TRAF3: variants seen among roughly 807,000 people sequenced by gnomAD.
The protein encoded by TRAF3 is TNF receptor associated factor 3.
A neutral mutation model predicts 62.3 loss-of-function variants in TRAF3; 13 were observed. That is an observed-to-expected ratio of 0.21 (90% CI 0.14 to 0.33). The LOEUF is 0.33. Among genes scored for constraint, TRAF3 ranks in the 10% least tolerant of loss-of-function variants. The probability of loss-of-function intolerance (pLI) is 1.00; values close to 1 mark genes in which losing one functional copy is unlikely to be tolerated. For synonymous variants in TRAF3, 269 were observed against 283.4 expected (o/e 0.95, Z 0.51); for missense variants, 440 against 741.8 (o/e 0.59, Z 4.73).
intron 10 of TRAF3, among the ~76,000 whole-genome samples, chr14:102,899,071 T>G (rs376461723): frequency 1.6e-4 from 24 of 152,182 alleles, no homozygotes; most frequent in African/African-American, 5.3e-4. Flanking sequence ...TTCCCCTGAG[T>G]GCAGGGACAC....
intron 2 of TRAF3, among the ~76,000 whole-genome samples, chr14:102,850,744 TC>T: frequency 6.8e-6 from 1 of 147,170 alleles, no homozygotes; most frequent in Non-Finnish European, 1.5e-5. Flanking sequence ...GATGCTGCGC[TC>T]CTGGTAGTTT....
chr14:102,894,144 C>T (rs1175040840), intron 9 of TRAF3, among the ~76,000 whole-genome samples: 4 of 151,978 alleles, frequency 2.6e-5, no homozygotes, highest in South Asian at 2.1e-4. Flanking sequence ...CTGGGCAACA[C>T]GGTGAAACCC....
At chr14:102,897,520 A>T in intron 10 of TRAF3, 119 bp downstream of exon 10, 2 of 1,343,482 alleles carry the variant, frequency 1.5e-6, no homozygotes, top group Non-Finnish European at 2.1e-6. Flanking sequence ...CAGAAAGGCA[A>T]CTGATTTCTC....
chr14:102,804,764 G>C (rs914323611), intron 1 of TRAF3, among the ~76,000 whole-genome samples: 18 of 152,188 alleles, frequency 1.2e-4, no homozygotes, highest in African/African-American at 4.3e-4. Context: ...TGGGACTACA[G>C]GCATGAGACA....
At chr14:102,843,138 G>A (rs1197640715) in intron 2 of TRAF3, among the ~76,000 whole-genome samples, 1 of 151,618 alleles carries the variant, frequency 6.6e-6, no homozygotes, top group Non-Finnish European at 1.5e-5. Flanking sequence ...GGGAGGCAGA[G>A]GTTGCAGTGA....
intron 2 of TRAF3, among the ~76,000 whole-genome samples, chr14:102,866,894 A>AC (rs1263265709): frequency 1.6e-5 from 2 of 123,498 alleles, no homozygotes; most frequent in East Asian, 4.7e-4. Context: ...CACACACACA[A>AC]AACAATGACA....
intron 2 of TRAF3, among the ~76,000 whole-genome samples, chr14:102,833,911 C>T (rs1885803073): frequency 6.6e-6 from 1 of 151,642 alleles, no homozygotes; most frequent in Non-Finnish European, 1.5e-5. Flanking sequence ...ATGGCTTGAA[C>T]CCGGGAGGCG....
chr14:102,868,871 T>C (rs1003251756), intron 2 of TRAF3, among the ~76,000 whole-genome samples: 4 of 152,266 alleles, frequency 2.6e-5, no homozygotes, highest in African/African-American at 9.6e-5. Flanking sequence ...AGGTCTCATC[T>C]GGCAGAGCTG....
intron 6 of TRAF3, among the ~76,000 whole-genome samples, chr14:102,884,113 C>T (rs1221119739): frequency 2.0e-5 from 3 of 152,210 alleles, no homozygotes; most frequent in Non-Finnish European, 2.9e-5. Flanking sequence ...AAATGCAAAA[C>T]CAAGGCCCTG....
intron 2 of TRAF3, among the ~76,000 whole-genome samples, chr14:102,861,682 C>T (rs1887687207): frequency 1.3e-5 from 2 of 152,094 alleles, no homozygotes; most frequent in African/African-American, 4.8e-5. Flanking sequence ...TATTGAATCT[C>T]ATGCAAGAAA....
chr14:102,875,812 G>A (rs896805414), intron 5 of TRAF3, 84 bp downstream of exon 5: 3 of 1,210,714 alleles, frequency 2.5e-6, no homozygotes, highest in African/African-American at 3.0e-5. Context: ...TCAGTAGGAT[G>A]TGGCACTTTA....
chr14:102,780,742 C>T (rs1242975192), intron 1 of TRAF3, among the ~76,000 whole-genome samples: 1 of 152,072 alleles, frequency 6.6e-6, no homozygotes, highest in Non-Finnish European at 1.5e-5. Flanking sequence ...AGTTAATGTG[C>T]CCTGAGTTCT....
chr14:102,782,153 G>C (rs1897298686), intron 1 of TRAF3, among the ~76,000 whole-genome samples: 1 of 151,922 alleles, frequency 6.6e-6, no homozygotes, highest in African/African-American at 2.4e-5. Flanking sequence ...TGGCCAGACT[G>C]GTCTTGAACT....
rs190730707 is a variant in TRAF3, at chr14:102,783,277, C to T, written c.-157+5602C>T. Among the ~76,000 whole-genome samples the T allele has an allele frequency of 6.6e-4, 101 of 152,296 alleles. 1 individual carries two copies. Among genetic ancestry groups the T allele is most frequent in the Admixed American group, 6.5e-4 (10 of 15,298 alleles). The stretch of plus-strand genomic sequence containing the variant: ...CCTGGAGGTCAGGCTTCCATCCTCC[C>T]GTTCTGATAATGCTTAGCTCCAGGA... On this transcript the variant is annotated intron_variant, in intron 1 of 11. Transcript: ENST00000392745.
chr14:102,801,682 G>C (rs1049778835), intron 1 of TRAF3, among the ~76,000 whole-genome samples: 2 of 151,948 alleles, frequency 1.3e-5, no homozygotes, highest in Non-Finnish European at 2.9e-5. Context: ...CCACGAGTAT[G>C]AGCCACCACA....
rs535026333 is a variant in TRAF3 at position 102,863,162 on chromosome 14, T to A, written c.-17-7023T>A. Reference sequence around the variant, plus strand: ...CTTTTTTCTGCATGTGAACCATACTTTCTTGTTTCTTTGCATGCCTTGTGA... The same window carrying A: ...CTTTTTTCTGCATGTGAACCATACTATCTTGTTTCTTTGCATGCCTTGTGA... On this transcript the variant is annotated intron_variant, in intron 2 of 11. Coordinates refer to ENST00000392745, the MANE Select transcript of TRAF3 (RefSeq NM_145725.3). Among the ~76,000 whole-genome samples, 197 of 152,294 alleles carry A rather than the reference T, an allele frequency of 1.3e-3. 1 individual carries two copies. The highest frequency in any genetic ancestry group is 2.5e-3 in the Non-Finnish European group (171 of 68,018).
intron 2 of TRAF3, among the ~76,000 whole-genome samples, chr14:102,868,834 C>T (rs185340340): frequency 6.6e-6 from 1 of 152,294 alleles, no homozygotes; most frequent in African/African-American, 2.4e-5. Flanking sequence ...CTTTACATTC[C>T]TGGTTATTTT....
chr14:102,887,924 C>A (rs1312796560), intron 7 of TRAF3, among the ~76,000 whole-genome samples: 1 of 152,052 alleles, frequency 6.6e-6, no homozygotes, highest in Non-Finnish European at 1.5e-5. Flanking sequence ...CATTGTTAAA[C>A]CTGCATTTCT....
chr14:102,840,681 A>C lies in TRAF3; in HGVS notation c.-18+10209A>C, dbSNP rs116523912. Among the ~76,000 whole-genome samples, 1,146 of 152,260 alleles carry C rather than the reference A, an allele frequency of 7.5e-3. 26 individuals carry two copies. Among genetic ancestry groups the C allele is most frequent in the African/African-American group, 0.026 (1,066 of 41,558 alleles). On this transcript the variant is annotated intron_variant, in intron 2 of 11. Transcript: ENST00000392745. ...GGATTTTTTCATTAATTTTGATTTT[A>C]TCTCTATTACTGAGTTTTTTTGACA...
Sources: gnomAD v4.1 joint callset for allele counts (sites outside exome capture counted in the v4.1 genomes callset) on GRCh38, gnomAD v4.1.1 for gene constraint, MANE v1.5 for transcripts, NCBI Gene and HGNC (gene_info 2026-07-23, HGNC 2026-07-21) for gene names.